PCDH15: variants seen among roughly 807,000 people sequenced by gnomAD.
The protein encoded by PCDH15 is protocadherin-15.
A neutral mutation model predicts 178.5 loss-of-function variants in PCDH15; 129 were observed. That is an observed-to-expected ratio of 0.72 (90% CI 0.63 to 0.84). The LOEUF (loss-of-function observed/expected upper bound fraction) is 0.84, where lower values mean the gene tolerates loss of function less well. Ranked by LOEUF, PCDH15 falls within the 40% of genes least tolerant of loss-of-function variation. The pLI is 0.00. For missense variants in PCDH15, 2,230 were observed against 2,099.9 expected (o/e 1.06, Z -1.21); for synonymous variants, 800 against 732.0 (o/e 1.09, Z -1.50).
intron 8 of PCDH15, among the ~76,000 whole-genome samples, chr10:54,252,400 A>G (rs145239008): frequency 2.6e-5 from 4 of 152,308 alleles, no homozygotes; most frequent in African/African-American, 4.8e-5. Flanking sequence ...GTTAGTTAAA[A>G]CTATGTTTTC....
chr10:54,174,680 CTTTCTTT>C (rs1564605077), intron 13 of PCDH15, among the ~76,000 whole-genome samples: 1 of 120,082 alleles, frequency 8.3e-6, no homozygotes, highest in South Asian at 2.7e-4. Flanking sequence ...TCTTTTCCTT[CTTTCTTT>C]TTTCTTTTTC....
At chr10:55,168,520 G>C (rs1591960074) in intron 1 of PCDH15, among the ~76,000 whole-genome samples, 1 of 152,134 alleles carries the variant, frequency 6.6e-6, no homozygotes, top group South Asian at 2.1e-4. Context: ...TATTCCCCTA[G>C]GGGTTCTGTA....
chr10:53,945,836 T>C, intron 23 of PCDH15, among the ~76,000 whole-genome samples: 1 of 33,798 alleles, frequency 3.0e-5, no homozygotes, highest in Non-Finnish European at 5.2e-5. Flanking sequence ...AATATTTCAT[T>C]GTATATATAT....
chr10:54,795,998 C>A (rs1951915348), intron 1 of PCDH15, among the ~76,000 whole-genome samples: 1 of 151,700 alleles, frequency 6.6e-6, no homozygotes, highest in Non-Finnish European at 1.5e-5. Flanking sequence ...CAGAGAGAAA[C>A]CAAGGCTCAG....
Position 55,129,792 on chromosome 10 carries a change from T to C in PCDH15, c.-80+36784A>G, listed in dbSNP as rs967057068. Reference sequence around the variant, plus strand: ...TATTTGCCCAACTTGGTTCCAGGCATTGAAAATACAAAAATGGATAAAACA... The same window carrying C: ...TATTTGCCCAACTTGGTTCCAGGCACTGAAAATACAAAAATGGATAAAACA... On this transcript the variant is annotated intron_variant, in intron 2 of 5. Transcript: ENST00000458638. Among the ~76,000 whole-genome samples, 4 of 152,152 alleles carry C rather than the reference T, an allele frequency of 2.6e-5. No individual in the cohort carries two copies. In the East Asian group the frequency reaches 5.8e-4, roughly 22 times the overall value.
intron 1 of PCDH15, among the ~76,000 whole-genome samples, chr10:54,771,919 T>C (rs1276470214): frequency 1.3e-5 from 2 of 152,154 alleles, no homozygotes; most frequent in African/African-American, 4.8e-5. Context: ...GGCTTAAAAA[T>C]CTACCTTATT....
At chr10:55,405,498 G>A (rs1479266957) in intron 2 of PCDH15, among the ~76,000 whole-genome samples, 1 of 151,206 alleles carries the variant, frequency 6.6e-6, no homozygotes, top group Non-Finnish European at 1.5e-5. Context: ...AATGGAAGTT[G>A]CCTCTGTATA....
At chr10:55,376,414 A>G (rs769961654) in intron 2 of PCDH15, among the ~76,000 whole-genome samples, 98 of 152,126 alleles carry the variant, frequency 6.4e-4, no homozygotes, top group Non-Finnish European at 1.2e-3. Flanking sequence ...ATGGAATATC[A>G]TTATTTTTGG....
chr10:54,563,313 G>A (rs1404994970), intron 2 of PCDH15, among the ~76,000 whole-genome samples: 2 of 152,102 alleles, frequency 1.3e-5, no homozygotes, highest in Non-Finnish European at 2.9e-5. Flanking sequence ...AAGGGCCTGG[G>A]GAACTTCCGC....
chr10:54,046,186 C>G (rs888467255), intron 18 of PCDH15, among the ~76,000 whole-genome samples: 1 of 152,120 alleles, frequency 6.6e-6, no homozygotes, highest in Non-Finnish European at 1.5e-5. Flanking sequence ...ACTGACATAC[C>G]AAGCACACAG....
intron 15 of PCDH15, among the ~76,000 whole-genome samples, chr10:54,104,470 G>A (rs2094871491): frequency 6.6e-6 from 1 of 152,078 alleles, no homozygotes; most frequent in Admixed American, 6.5e-5. Context: ...TTCTCTACAG[G>A]AGCTAAGACT....
chr10:55,158,210 C>T (rs570201017), intron 2 of PCDH15, among the ~76,000 whole-genome samples: 1 of 151,894 alleles, frequency 6.6e-6, no homozygotes, highest in African/African-American at 2.4e-5. Flanking sequence ...TATTTCTTCT[C>T]TTCTAGAATG....
intron 18 of PCDH15, among the ~76,000 whole-genome samples, chr10:54,028,953 G>T (rs1244665029): frequency 6.6e-6 from 1 of 151,586 alleles, no homozygotes; most frequent in Admixed American, 6.6e-5. Flanking sequence ...ATAAAAAAAA[G>T]ACTACAATAT....
At chr10:54,991,552 A>G (rs16906783) in intron 2 of PCDH15, among the ~76,000 whole-genome samples, 1,814 of 152,258 alleles carry the variant, frequency 0.012, 37 homozygotes, top group African/African-American at 0.042. Context: ...TAATTAAAAC[A>G]TGGTTGATCA....
intron 3 of PCDH15, among the ~76,000 whole-genome samples, chr10:54,824,188 T>A (rs1396798248): frequency 1.3e-5 from 2 of 152,128 alleles, no homozygotes; most frequent in Non-Finnish European, 2.9e-5. Flanking sequence ...ATTCACCATG[T>A]GTTTATGGAT....
At chr10:55,142,016 A>G (rs937018844) in intron 2 of PCDH15, among the ~76,000 whole-genome samples, 1 of 152,150 alleles carries the variant, frequency 6.6e-6, no homozygotes, top group Non-Finnish European at 1.5e-5. Flanking sequence ...ATAAACATAA[A>G]ACTTCATTAT....
At chr10:54,579,453 T>A (rs777681557) in intron 2 of PCDH15, among the ~76,000 whole-genome samples, 2 of 152,134 alleles carry the variant, frequency 1.3e-5, no homozygotes, top group African/African-American at 4.8e-5. Flanking sequence ...ATCTTAAATA[T>A]GCACACACTC....
intron 9 of PCDH15, among the ~76,000 whole-genome samples, chr10:54,232,945 T>TA (rs1372173226): frequency 7.0e-6 from 1 of 143,476 alleles, no homozygotes; most frequent in Non-Finnish European, 1.5e-5. Context: ...TTTTTTTTTT[T>TA]AAAGAGAGTC....
intron 20 of PCDH15, among the ~76,000 whole-genome samples, chr10:54,002,078 CAT>C (rs1357765549): frequency 6.4e-4 from 90 of 141,018 alleles, no homozygotes; most frequent in African/African-American, 2.2e-3. Context: ...TATATATATA[CAT>C]ATATGTATAT....
Sources: allele counts gnomAD v4.1 joint callset (sites outside exome capture counted in the v4.1 genomes callset), GRCh38; gene constraint gnomAD v4.1.1; transcripts MANE v1.5; gene names NCBI Gene and HGNC (gene_info 2026-07-23, HGNC 2026-07-21).